RAB3GAP1: variants seen among roughly 807,000 people sequenced by gnomAD.
RAB3GAP1 encodes RAB3 GTPase activating protein catalytic subunit 1.
Under a neutral mutation model 130.7 loss-of-function variants are expected in RAB3GAP1, and 86 were observed. The observed-to-expected ratio is 0.66, with a 90% CI of 0.55 to 0.79. The LOEUF is 0.79. RAB3GAP1 is among the 30% of genes least tolerant of loss of function. The pLI is 0.00. For missense variants in RAB3GAP1, 1,029 were observed against 1,169.4 expected (o/e 0.88, Z 1.75); for synonymous variants, 367 against 401.7 (o/e 0.91, Z 1.03).
chr2:135,151,040 C>T (rs536797548), intron 18 of RAB3GAP1, among the ~76,000 whole-genome samples: 1 of 152,294 alleles, frequency 6.6e-6, no homozygotes, highest in Non-Finnish European at 1.5e-5. Flanking sequence ...AGAAGAGTCA[C>T]TATTTCAGAT....
At chr2:135,070,896 T>C (rs72978303) in intron 3 of RAB3GAP1, among the ~76,000 whole-genome samples, 6,907 of 152,246 alleles carry the variant, frequency 0.045, 536 homozygotes, top group African/African-American at 0.16. Context: ...GGTCCATAGC[T>C]TTTGTCAGAT....
At chr2:135,165,124 T>C in intron 23 of RAB3GAP1, 1 of 455,900 alleles carries the variant, frequency 2.2e-6, no homozygotes, top group South Asian at 1.6e-5. Context: ...ATTGTTCTTG[T>C]AATGGTGAGG....
chr2:135,167,713 G>A (rs1428949971), intron 23 of RAB3GAP1: 1 of 1,489,916 alleles, frequency 6.7e-7, no homozygotes, highest in South Asian at 1.2e-5. Context: ...CTTCTGATGA[G>A]GTAACAAAAT....
chr2:135,109,833 C>T (rs968616671), intron 5 of RAB3GAP1, among the ~76,000 whole-genome samples: 3 of 152,152 alleles, frequency 2.0e-5, no homozygotes, highest in Non-Finnish European at 2.9e-5. Context: ...CCGCCTGCCT[C>T]GGCCTCCCAA....
At chr2:135,172,544 G>T (rs184008128), downstream of RAB3GAP1, among the ~76,000 whole-genome samples, 1 of 152,286 alleles carries the variant, frequency 6.6e-6, no homozygotes, top group Admixed American at 6.5e-5. Context: ...CTCTGGACTG[G>T]TGTGGTAGCC....
Position 135,135,616 on chromosome 2 carries a change from C to T in RAB3GAP1, c.1607C>T (p.Thr536Ile). Reference sequence around the variant, plus strand: ...AAGGCACGTGATGAGGGGAAAAAGACAAGTGCTTCAGATGTCACTAATATA... The same window carrying T: ...AAGGCACGTGATGAGGGGAAAAAGATAAGTGCTTCAGATGTCACTAATATA... ...RKKARDEGKK[T>I]SASDVTNIYP... is the part of the protein sequence containing the mutation. Residue 536 changes from threonine to isoleucine, a missense_variant, in exon 17 of 24, where the codon ACA (threonine) becomes ATA (isoleucine). Physicochemically the swap from Thr to Ile is moderately conservative, Grantham distance 89. This residue lies in a region of RAB3GAP1 where 373 missense variants were observed against 493.6 expected (regional missense o/e 0.76). Coordinates refer to ENST00000264158, the MANE Select transcript of RAB3GAP1 (RefSeq NM_012233.3). 1 of 1,610,760 alleles carries T rather than the reference C, an allele frequency of 6.2e-7. No homozygotes were observed. Among genetic ancestry groups the T allele is most frequent in the Non-Finnish European group, 8.5e-7 (1 of 1,178,596 alleles).
chr2:135,055,241 A>G (rs1349640384), intron 2 of RAB3GAP1, among the ~76,000 whole-genome samples: 3 of 152,230 alleles, frequency 2.0e-5, no homozygotes, highest in African/African-American at 7.2e-5. Flanking sequence ...AGAATAAGGA[A>G]TCAGGAAATG....
chr2:135,090,227 C>T (rs1320020690), intron 3 of RAB3GAP1, among the ~76,000 whole-genome samples: 1 of 152,142 alleles, frequency 6.6e-6, no homozygotes, highest in Admixed American at 6.5e-5. Flanking sequence ...TTATAAATAT[C>T]TTTCCAGGAA....
chr2:135,087,019 G>A (rs1297977625), intron 3 of RAB3GAP1, among the ~76,000 whole-genome samples: 1 of 152,024 alleles, frequency 6.6e-6, no homozygotes, highest in Non-Finnish European at 1.5e-5. Flanking sequence ...TTTAGATGAA[G>A]TTCATTTTCT....
chr2:135,069,958 A>G (rs908118613), intron 3 of RAB3GAP1, among the ~76,000 whole-genome samples: 8 of 152,230 alleles, frequency 5.3e-5, no homozygotes, highest in Non-Finnish European at 1.0e-4. Flanking sequence ...TTAAAATGTA[A>G]CAGCAGTCTC....
intron 5 of RAB3GAP1, among the ~76,000 whole-genome samples, chr2:135,107,839 G>T (rs1690673626): frequency 6.6e-6 from 1 of 151,994 alleles, no homozygotes; most frequent in South Asian, 2.1e-4. Context: ...GCCAGGTGTG[G>T]TGGCACATGC....
At chr2:135,156,210 TA>T (rs1433511940) in intron 19 of RAB3GAP1, among the ~76,000 whole-genome samples, 3 of 152,030 alleles carry the variant, frequency 2.0e-5, no homozygotes, top group African/African-American at 7.2e-5. Flanking sequence ...ACTGCCACAT[TA>T]AAAAGAACCA....
intron 3 of RAB3GAP1, among the ~76,000 whole-genome samples, chr2:135,064,754 T>G: frequency 6.8e-6 from 1 of 146,512 alleles, no homozygotes; most frequent in African/African-American, 2.5e-5. Context: ...TGAGGTGTTT[T>G]GTTTTTTTTT....
chr2:135,097,300 T>G (rs959027426), intron 5 of RAB3GAP1, among the ~76,000 whole-genome samples: 1 of 151,966 alleles, frequency 6.6e-6, no homozygotes, highest in African/African-American at 2.4e-5. Flanking sequence ...ACTGTAGCCT[T>G]GAACTCCTGG....
intron 23 of RAB3GAP1, 118 bp from the exon 24 acceptor site, chr2:135,168,427 A>AT: frequency 1.1e-6 from 1 of 875,068 alleles, no homozygotes; most frequent in Non-Finnish European, 1.9e-6. Context: ...AGCTGACTGC[A>AT]TTACTGAGTA....
intron 3 of RAB3GAP1, among the ~76,000 whole-genome samples, chr2:135,082,102 A>G (rs1478924331): frequency 6.6e-6 from 1 of 151,942 alleles, no homozygotes; most frequent in Middle Eastern, 3.2e-3. Flanking sequence ...AGATCATGAC[A>G]TTGCACTCCA....
intron 2 of RAB3GAP1, 117 bp from the exon 3 acceptor site, chr2:135,057,894 A>G (rs1689059102): frequency 1.4e-6 from 1 of 739,720 alleles, no homozygotes; most frequent in Non-Finnish European, 2.4e-6. Flanking sequence ...TACTAAATGT[A>G]CTGAGTCCTC....
chr2:135,111,173 T>C (rs2104909649), intron 5 of RAB3GAP1, among the ~76,000 whole-genome samples: 1 of 152,252 alleles, frequency 6.6e-6, no homozygotes, highest in South Asian at 2.1e-4. Flanking sequence ...TTTTAAATCA[T>C]TACTCCTGTT....
At chr2:135,105,538 A>G (rs977638182) in intron 5 of RAB3GAP1, among the ~76,000 whole-genome samples, 5 of 152,008 alleles carry the variant, frequency 3.3e-5, no homozygotes, top group Non-Finnish European at 7.4e-5. Flanking sequence ...TCAGTGCTCA[A>G]TGTTGCCCAG....
Sources: allele counts gnomAD v4.1 joint callset (sites outside exome capture counted in the v4.1 genomes callset), GRCh38; gene constraint gnomAD v4.1.1; regional missense constraint gnomAD v4.1.1; transcripts MANE v1.5; gene names NCBI Gene and HGNC (gene_info 2026-07-23, HGNC 2026-07-21).